The following GRM3 variants were observed in gnomAD, a reference collection of about 807,000 sequenced individuals.
The protein encoded by GRM3 is glutamate metabotropic receptor 3, also known as metabotropic glutamate receptor 3.
In GRM3, 26 loss-of-function variants were observed where a neutral mutation model predicts 70.5. That is an observed-to-expected ratio of 0.37 (90% CI 0.27 to 0.51). The LOEUF (loss-of-function observed/expected upper bound fraction) is 0.51. Ranked by LOEUF, GRM3 falls within the 20% of genes least tolerant of loss-of-function variation. The pLI is 0.93. For synonymous variants in GRM3, 443 were observed against 434.9 expected, an observed-to-expected ratio of 1.02 and a Z score of -0.23; for missense variants, 859 against 1,123.8, an observed-to-expected ratio of 0.76 and a Z score of 3.37.
intron 1 of GRM3, among the ~76,000 whole-genome samples, chr7:86,720,483 T>G (rs2116224186): frequency 6.6e-6 from 1 of 152,126 alleles, no homozygotes; most frequent in Non-Finnish European, 1.5e-5. Flanking sequence ...AATTTGAAAC[T>G]GAAAGTGTAA....
chr7:86,799,666 A>G (rs965662570), intron 3 of GRM3, among the ~76,000 whole-genome samples: 3 of 151,944 alleles, frequency 2.0e-5, no homozygotes, highest in Non-Finnish European at 4.4e-5. Flanking sequence ...AGCTGGGACT[A>G]CAGGCGCCCA....
intron 3 of GRM3, among the ~76,000 whole-genome samples, chr7:86,806,249 T>C (rs1797790353): frequency 6.6e-6 from 1 of 152,230 alleles, no homozygotes; most frequent in African/African-American, 2.4e-5. Context: ...TTTATAATCC[T>C]TTGTGTATAT....
rs765608538 is a variant in GRM3, at chr7:86,839,031, C to T, written c.1517C>T (p.Thr506Ile). Residue 506 changes from threonine to isoleucine, a missense_variant, in exon 4 of 6, where the codon ACT becomes ATT. Transcript: ENST00000361669. This position sits in a 1 kb window ranked among gnomAD's most constrained non-coding sequence, Gnocchi z 4.5. ...CACTGGTCCCGGAACTCAGTCCCCA[C>T]TTCCCAGTGCAGCGACCCCTGTGCC... The part of the protein sequence containing the change: ...SIHWSRNSVP[T>I]SQCSDPCAPN... 6 of 1,614,082 alleles carry T rather than the reference C, an allele frequency of 3.7e-6. No individual in the cohort carries two copies. The highest frequency in any genetic ancestry group is 4.5e-5 in the East Asian group (2 of 44,872).
At chr7:86,824,933 CAA>C in intron 3 of GRM3, among the ~76,000 whole-genome samples, 1 of 152,092 alleles carries the variant, frequency 6.6e-6, no homozygotes, top group South Asian at 2.1e-4. Flanking sequence ...TAGTGAGACT[CAA>C]ATGATTTCTG....
At position 86,809,501 on chromosome 7, in the gene GRM3, C is replaced by G. The variant is rs572251213; in HGVS notation, c.1324+22385C>G. ...TAATTGTGTGACTTCAGGCAATCCT[C>G]GGGTTGCTCTAGCCTCTTGCACATC... On this transcript the variant is annotated intron_variant, in intron 3 of 5. Transcript: ENST00000361669. Among the ~76,000 whole-genome samples the G allele has an allele frequency of 3.5e-4, 53 of 152,122 alleles. 1 individual carries two copies. In the South Asian group the frequency reaches 7.1e-3, roughly 20 times the overall value.
At chr7:86,694,943 TGAAG>T (rs1222904711) in intron 1 of GRM3, among the ~76,000 whole-genome samples, 1 of 152,210 alleles carries the variant, frequency 6.6e-6, no homozygotes, top group Non-Finnish European at 1.5e-5. Flanking sequence ...TGTTGGGTAA[TGAAG>T]GAAGATCAAG....
chr7:86,730,616 C>T (rs1795710693), intron 1 of GRM3, among the ~76,000 whole-genome samples: 1 of 152,200 alleles, frequency 6.6e-6, no homozygotes, highest in African/African-American at 2.4e-5. Context: ...CCCAAATTAA[C>T]TTCCAAAATA....
intron 1 of GRM3, among the ~76,000 whole-genome samples, chr7:86,733,272 C>A (rs984120650): frequency 1.5e-4 from 22 of 151,102 alleles, no homozygotes; most frequent in Non-Finnish European, 2.8e-4. Flanking sequence ...CAAGATCATG[C>A]CACTGCACTC....
At chr7:86,714,793 C>G (rs1205827057) in intron 1 of GRM3, among the ~76,000 whole-genome samples, 1 of 151,952 alleles carries the variant, frequency 6.6e-6, no homozygotes. Flanking sequence ...GGCATTCATT[C>G]ATTTATGAGT....
At chr7:86,722,822 C>T (rs1415323612) in intron 1 of GRM3, among the ~76,000 whole-genome samples, 2 of 152,034 alleles carry the variant, frequency 1.3e-5, no homozygotes, top group Non-Finnish European at 2.9e-5. Flanking sequence ...CTCCTCTTTA[C>T]GTTGTAAGAA....
At position 86,760,463 on chromosome 7, in the gene GRM3, A is replaced by G. The variant is rs143662984; in HGVS notation, c.-140-4543A>G. Among the ~76,000 whole-genome samples the G allele has an allele frequency of 2.6e-3, 392 of 152,184 alleles. 12 individuals are homozygous for G. The highest frequency in any genetic ancestry group is 3.5e-3 in the Non-Finnish European group (237 of 67,972). On this transcript the variant is annotated intron_variant, in intron 1 of 5. Transcript: ENST00000361669. ...GGAGAACTTTGACTGTAGAGATGCA[A>G]TTCTCCAGCTGCATATGAATGTGGC...
intron 1 of GRM3, among the ~76,000 whole-genome samples, chr7:86,683,904 TACAAGTCATAAATGACC>T (rs1201778641): frequency 6.6e-6 from 1 of 152,168 alleles, no homozygotes; most frequent in East Asian, 1.9e-4. Flanking sequence ...TATGGTATCC[TACAAGTCATAAATGACC>T]ACTTTCCCAG....
At chr7:86,750,932 G>A (rs1196080189) in intron 1 of GRM3, among the ~76,000 whole-genome samples, 1 of 152,086 alleles carries the variant, frequency 6.6e-6, no homozygotes, top group Non-Finnish European at 1.5e-5. Flanking sequence ...TACAATTTGT[G>A]TGAACATTTT....
At chr7:86,680,194 G>A (rs1337397500) in intron 1 of GRM3, among the ~76,000 whole-genome samples, 1 of 152,136 alleles carries the variant, frequency 6.6e-6, no homozygotes, top group African/African-American at 2.4e-5. Context: ...GAACCACAAA[G>A]CATGAGGATT....
intron 1 of GRM3, among the ~76,000 whole-genome samples, chr7:86,678,487 T>C (rs1198250150): frequency 1.3e-5 from 2 of 152,036 alleles, no homozygotes; most frequent in Admixed American, 6.6e-5. Context: ...AGAACACATG[T>C]CTTAAGGGTG....
At chr7:86,721,276 C>A (rs150304654) in intron 1 of GRM3, among the ~76,000 whole-genome samples, 1 of 151,964 alleles carries the variant, frequency 6.6e-6, no homozygotes, top group Non-Finnish European at 1.5e-5. Context: ...CCAGCCCTCA[C>A]GCTGGTTTGT....
chr7:86,736,416 C>A (rs1584203096), intron 1 of GRM3, among the ~76,000 whole-genome samples: 2 of 152,246 alleles, frequency 1.3e-5, no homozygotes, highest in Admixed American at 6.5e-5. Flanking sequence ...TGGTTTGTAA[C>A]AAACAAATCC....
At chr7:86,654,761 G>A (rs751755628) in intron 1 of GRM3, among the ~76,000 whole-genome samples, 54 of 151,950 alleles carry the variant, frequency 3.6e-4, no homozygotes, top group Non-Finnish European at 6.8e-4. Flanking sequence ...TATCTCCTTC[G>A]TTCTCTCTCT....
At chr7:86,765,698 C>T (rs55986408) in intron 2 of GRM3, 85 bp downstream of exon 2, 28 of 1,042,466 alleles carry the variant, frequency 2.7e-5, no homozygotes, top group East Asian at 2.3e-4. Flanking sequence ...ATCATAATAA[C>T]GTCATCAACG....
Sources: gnomAD v4.1 joint callset for allele counts (sites outside exome capture counted in the v4.1 genomes callset) on GRCh38, gnomAD v4.1.1 for gene constraint, Gnocchi (gnomAD v3.1) non-coding constraint, MANE v1.5 for transcripts, NCBI Gene and HGNC (gene_info 2026-07-23, HGNC 2026-07-21) for gene names.